NFIB: variants seen among roughly 807,000 people sequenced by gnomAD.
NFIB encodes the protein nuclear factor I B.
A neutral mutation model predicts 61.5 loss-of-function variants in NFIB; 11 were observed. That is an observed-to-expected ratio of 0.18 (90% CI 0.11 to 0.30). The LOEUF (loss-of-function observed/expected upper bound fraction) is 0.30, where lower values mean the gene tolerates loss of function less well. NFIB is among the 10% of genes least tolerant of loss of function. The pLI, the probability that NFIB is intolerant of heterozygous loss-of-function variation, is 1.00. For synonymous variants in NFIB, 260 were observed against 216.5 expected, an observed-to-expected ratio of 1.20 and a Z score of -1.76; for missense variants, 471 against 608.9, an observed-to-expected ratio of 0.77 and a Z score of 2.38.
chr9:14,205,305 T>G (rs142779537), intron 2 of NFIB, among the ~76,000 whole-genome samples: 1 of 91,816 alleles, frequency 1.1e-5, no homozygotes, highest in Non-Finnish European at 2.4e-5. Flanking sequence ...GGAAGGGGAA[T>G]GAAAACGTGG....
the NFIB span, among the ~76,000 whole-genome samples, chr9:14,447,342 G>T: frequency 2.6e-5 from 4 of 152,070 alleles, no homozygotes; most frequent in East Asian, 7.7e-4. Flanking sequence ...AGTATGCTCC[G>T]TATTCTCAGA....
chr9:14,273,183 CTTT>C (rs2057751899), intron 2 of NFIB, among the ~76,000 whole-genome samples: 1 of 152,120 alleles, frequency 6.6e-6, no homozygotes, highest in Non-Finnish European at 1.5e-5. Context: ...TCAAGGCACT[CTTT>C]TTAATAAGTA....
intron 2 of NFIB, among the ~76,000 whole-genome samples, chr9:14,231,691 C>G (rs1250631872): frequency 6.6e-6 from 1 of 152,082 alleles, no homozygotes; most frequent in Non-Finnish European, 1.5e-5. Context: ...AGAATGATTG[C>G]TGATGGTGAA....
At chr9:14,220,412 C>T (rs1563915543) in intron 2 of NFIB, among the ~76,000 whole-genome samples, 1 of 152,268 alleles carries the variant, frequency 6.6e-6, no homozygotes, top group East Asian at 1.9e-4. Context: ...ATGTATTGTA[C>T]TAGGGGAAAG....
the NFIB span, among the ~76,000 whole-genome samples, chr9:14,404,096 T>C: frequency 6.6e-6 from 1 of 152,208 alleles, no homozygotes; most frequent in Non-Finnish European, 1.5e-5. Flanking sequence ...TCATGGACTG[T>C]ATTATATAAT....
chr9:14,191,943 C>T (rs1020316531), intron 2 of NFIB, among the ~76,000 whole-genome samples: 1 of 152,202 alleles, frequency 6.6e-6, no homozygotes, highest in Non-Finnish European at 1.5e-5. Context: ...CCAACAAACA[C>T]ATACACAAAA....
In NFIB at chr9:14,313,630, C is replaced by T; in HGVS notation, c.-119G>A. ...CGCGATGCGATCAATCAGGACGGGG[C>T]TCTGCGCTGGATCACCGCAACTTCA... On this transcript the variant is annotated 5_prime_UTR_variant, in exon 1 of 11. Coordinates refer to ENST00000380953, the MANE Select transcript of NFIB (RefSeq NM_001190737.2). The surrounding 1 kb of genome is among the most constrained non-coding windows in gnomAD (Gnocchi z 4.5). The T allele has an allele frequency of 3.2e-6, 5 of 1,576,794 alleles. No individual in the cohort carries two copies. The highest frequency in any genetic ancestry group is 4.3e-6 in the Non-Finnish European group (5 of 1,162,144).
intron 3 of NFIB, among the ~76,000 whole-genome samples, chr9:14,177,754 A>G (rs2046340460): frequency 2.0e-5 from 3 of 152,176 alleles, no homozygotes; most frequent in South Asian, 4.1e-4. Flanking sequence ...TTGAGTTCCA[A>G]GGAAAATTTA....
intron 2 of NFIB, among the ~76,000 whole-genome samples, chr9:14,198,701 A>G (rs1004527538): frequency 3.9e-5 from 6 of 152,200 alleles, no homozygotes; most frequent in Non-Finnish European, 8.8e-5. Flanking sequence ...AGCGCTCTCA[A>G]CAAGCACCCC....
intron 3 of NFIB, among the ~76,000 whole-genome samples, chr9:14,166,830 G>A (rs945590803): frequency 1.1e-4 from 16 of 151,986 alleles, no homozygotes; most frequent in South Asian, 2.1e-4. Flanking sequence ...TTACTCCTCC[G>A]ATGCAATTTT....
chr9:14,528,957 C>A, the NFIB span, among the ~76,000 whole-genome samples: 1 of 152,054 alleles, frequency 6.6e-6, no homozygotes, highest in South Asian at 2.1e-4. Context: ...TATAGCCAAG[C>A]AACGGTAATT....
chr9:14,306,610 T>C (rs1164269607), intron 2 of NFIB, among the ~76,000 whole-genome samples: 3 of 152,192 alleles, frequency 2.0e-5, no homozygotes, highest in Non-Finnish European at 2.9e-5. Context: ...AATAAAGTTA[T>C]ATTTTCAAAT....
the NFIB span, among the ~76,000 whole-genome samples, chr9:14,495,877 G>A: frequency 1.3e-5 from 2 of 152,148 alleles, no homozygotes; most frequent in African/African-American, 4.8e-5. Context: ...CAGAAATTAT[G>A]GTTTAGTGAC....
At chr9:14,318,793 A>G (rs1027365057), upstream of NFIB, among the ~76,000 whole-genome samples, 2 of 152,100 alleles carry the variant, frequency 1.3e-5, no homozygotes, top group Non-Finnish European at 2.9e-5. Context: ...CCACTCATAA[A>G]TGCATATATA....
intron 2 of NFIB, among the ~76,000 whole-genome samples, chr9:14,278,433 T>G (rs7043220): frequency 2.6e-5 from 4 of 152,146 alleles, no homozygotes; most frequent in Non-Finnish European, 5.9e-5. Flanking sequence ...CAGTCTTATT[T>G]TGCACCTCCA....
At chr9:14,137,951 TA>T (rs965463984) in intron 6 of NFIB, among the ~76,000 whole-genome samples, 1 of 151,900 alleles carries the variant, frequency 6.6e-6, no homozygotes, top group Non-Finnish European at 1.5e-5. Context: ...TTTCATGCAT[TA>T]AAAAAAATTG....
the NFIB span, among the ~76,000 whole-genome samples, chr9:14,524,914 G>A: frequency 2.6e-4 from 40 of 152,280 alleles, no homozygotes; most frequent in South Asian, 2.1e-3. Flanking sequence ...TTTTCAAGTC[G>A]TTGACTGTGT....
rs952603888 is a variant in NFIB, at chr9:14,319,845, A to G, written c.109-12325T>C. On this transcript the variant is annotated intron_variant, in intron 1 of 8. Transcript: ENST00000380934. ...TTCAAAGTCAAAGCAATGCATAACAACAGAATTGTGCATTTTAATTTTCAA... is the reference window on the plus strand; with the variant it reads ...TTCAAAGTCAAAGCAATGCATAACAGCAGAATTGTGCATTTTAATTTTCAA... Among the ~76,000 whole-genome samples the G allele has an allele frequency of 4.8e-4, 73 of 152,352 alleles. 1 individual carries two copies. Among genetic ancestry groups the G allele is most frequent in the African/African-American group, 1.7e-3 (72 of 41,576 alleles).
At chr9:14,349,882 T>A (rs920966287) in intron 1 of NFIB, among the ~76,000 whole-genome samples, 23 of 152,312 alleles carry the variant, frequency 1.5e-4, no homozygotes, top group Middle Eastern at 3.4e-3. Context: ...AAAGTCATCC[T>A]GTCAATATTG....
Sources: gnomAD v4.1 joint callset for allele counts (sites outside exome capture counted in the v4.1 genomes callset) on GRCh38, gnomAD v4.1.1 for gene constraint, Gnocchi (gnomAD v3.1) non-coding constraint, MANE v1.5 for transcripts, NCBI Gene and HGNC (gene_info 2026-07-23, HGNC 2026-07-21) for gene names.